Variants in SMTN observed in about 807,000 individuals in gnomAD.
SMTN encodes smoothelin.
In SMTN, 58 loss-of-function variants were observed where a neutral mutation model predicts 102.0. That is an observed-to-expected ratio of 0.57 (90% confidence interval 0.46 to 0.71). SMTN has a LOEUF of 0.71. Among genes scored for constraint, SMTN ranks in the 30% least tolerant of loss-of-function variants. SMTN has a pLI of 0.00. For synonymous variants in SMTN, 478 were observed against 497.9 expected (o/e 0.96, Z 0.53); for missense variants, 1,185 against 1,241.7 (o/e 0.95, Z 0.69).
intron 1 of SMTN, chr22:31,082,673 A>T (rs1602588160): frequency 1.6e-6 from 1 of 640,508 alleles, no homozygotes; most frequent in East Asian, 2.9e-5. Flanking sequence ...CGGAAGACAC[A>T]GTGTACCTTC....
intron 1 of SMTN, chr22:31,065,999 T>G (rs1268506176): frequency 6.6e-6 from 1 of 152,424 alleles, no homozygotes; most frequent in Non-Finnish European, 1.5e-5. Context: ...CCTTCCTGCC[T>G]GTGTTCAGGC....
In SMTN at chr22:31,085,318, C is replaced by A. The variant is rs947594187; in HGVS notation, c.51+2009C>A. The A allele has an allele frequency of 3.7e-5, 55 of 1,473,750 alleles. No individual in the cohort carries two copies. The African/African-American group carries it at 5.8e-4, about 16-fold the overall frequency. 91.3% of individuals were successfully genotyped at this position (1,473,750 alleles called of 1,614,324 possible). A position where few individuals can be genotyped will look rare whatever the true frequency, so the allele number is the denominator to read the frequency against. On this transcript the variant is annotated intron_variant, in intron 2 of 20. Coordinates refer to ENST00000333137, the MANE Select transcript of SMTN (RefSeq NM_134269.3). ...TGGGCGAGGCGAGGGCGGCGCCCTG[C>A]GAGGGAGGGCGGTCGCAGAACCTGC...
chr22:31,098,584 C>CA, intron 16 of SMTN, 83 bp from the exon 17 acceptor site: 4 of 1,408,366 alleles, frequency 2.8e-6, no homozygotes, highest in Non-Finnish European at 3.9e-6. Context: ...GCTACAAGAC[C>CA]CCCCCTCCTC....
intron 2 of SMTN, among the ~76,000 whole-genome samples, chr22:31,086,890 C>A (rs1311576304): frequency 6.6e-6 from 1 of 152,238 alleles, no homozygotes; most frequent in Non-Finnish European, 1.5e-5. Context: ...CATCCCCACC[C>A]TTGCCACCTG....
chr22:31,096,611 T>G, intron 13 of SMTN, 122 bp from the exon 14 acceptor site: 11 of 1,035,990 alleles, frequency 1.1e-5, no homozygotes, highest in Non-Finnish European at 1.5e-5. Context: ...TTGTTACCTG[T>G]GTCATTCATG....
intron 11 of SMTN, among the ~76,000 whole-genome samples, chr22:31,092,794 C>T (rs1016982817): frequency 3.9e-5 from 6 of 152,198 alleles, no homozygotes; most frequent in Admixed American, 6.5e-5. Context: ...CTCAGTTTAC[C>T]CATCTGGAAC....
intron 3 of SMTN, 31 bp from the exon 4 acceptor site, chr22:31,088,482 A>C (rs2042869425): frequency 6.3e-7 from 1 of 1,583,666 alleles, no homozygotes; most frequent in Admixed American, 1.7e-5. Context: ...TGGCCATGGC[A>C]GTGGTGGTTA....
chr22:31,099,826 G>A lies in SMTN; in HGVS notation c.2533G>A (p.Ala845Thr). Reference protein sequence around the residue: ...CALVHNFFPEAFDYGQLSPQN... With the variant: ...CALVHNFFPETFDYGQLSPQN... ...CCTGGTGCACAACTTCTTCCCTGAGGCCTTCGACTATGGGCAGCTTAGCCC... is the reference window on the plus strand; with the variant it reads ...CCTGGTGCACAACTTCTTCCCTGAGACCTTCGACTATGGGCAGCTTAGCCC... Residue 845 changes from alanine (A) to threonine (T), a missense_variant, in exon 19 of 21, where the codon GCC becomes ACC. By Grantham distance (58) the Ala-to-Thr change is moderately conservative. This residue lies in a region of SMTN where 89 missense variants were observed against 128.9 expected (regional missense o/e 0.69). Coordinates refer to ENST00000333137, the MANE Select transcript of SMTN (RefSeq NM_134269.3). 1 of 1,614,056 alleles carries A rather than the reference G, an allele frequency of 6.2e-7. No homozygotes were observed. The highest frequency in any genetic ancestry group is 8.5e-7 in the Non-Finnish European group (1 of 1,179,944).
intron 15 of SMTN, 97 bp from the exon 16 acceptor site, chr22:31,097,172 T>C: frequency 6.7e-7 from 1 of 1,491,082 alleles, no homozygotes; most frequent in Non-Finnish European, 9.4e-7. Flanking sequence ...TTCTCTTCTC[T>C]GCCTGCGGCT....
In SMTN at chr22:31,091,491, C is replaced by T. The variant is rs545184318; in HGVS notation, c.1459+9C>T. The T allele has an allele frequency of 1.3e-6, 2 of 1,518,010 alleles. No individual in the cohort carries two copies. Among genetic ancestry groups the T allele is most frequent in the Non-Finnish European group, 8.8e-7 (1 of 1,136,640 alleles). 94.0% of individuals were successfully genotyped at this position (1,518,010 alleles called of 1,614,324 possible). A position where few individuals can be genotyped will look rare whatever the true frequency, so the allele number is the denominator to read the frequency against. On this transcript the variant is annotated intron_variant, in intron 10 of 20. Transcript: ENST00000333137. Reference sequence around the variant, plus strand: ...AGGCAACCAGAGGGCAGGTAGGCGCCCCCCACTGCCTCCCCAATGGGGATG... The same window carrying T: ...AGGCAACCAGAGGGCAGGTAGGCGCTCCCCACTGCCTCCCCAATGGGGATG...
At chr22:31,086,870 A>C (rs962637758) in intron 2 of SMTN, among the ~76,000 whole-genome samples, 7 of 152,292 alleles carry the variant, frequency 4.6e-5, no homozygotes, top group South Asian at 2.1e-4. Context: ...GCTGAAAACT[A>C]TCTCCATCCC....
At chr22:31,104,288 C>T in intron 20 of SMTN, 28 bp from the exon 21 acceptor site, 1 of 1,610,884 alleles carries the variant, frequency 6.2e-7, no homozygotes, top group Non-Finnish European at 8.5e-7. Flanking sequence ...CTGGCGCTGA[C>T]ATCCAACCCC....
At chr22:31,078,098 G>A (rs1398144485), upstream of SMTN, among the ~76,000 whole-genome samples, 1 of 152,170 alleles carries the variant, frequency 6.6e-6, no homozygotes, top group Non-Finnish European at 1.5e-5. Flanking sequence ...GTGCTGTCCT[G>A]GGGAGAGAGG....
intron 2 of SMTN, chr22:31,085,279 A>G (rs2042606171): frequency 5.3e-6 from 8 of 1,504,656 alleles, no homozygotes; most frequent in Non-Finnish European, 7.1e-6. Flanking sequence ...TTCGGCGCCT[A>G]GCGCGAGGCA....
chr22:31,082,867 GC>G, intron 1 of SMTN: 1 of 1,536,978 alleles, frequency 6.5e-7, no homozygotes, highest in Non-Finnish European at 8.8e-7. Flanking sequence ...GTCTTGCCAG[GC>G]CCTGGCTTCT....
rs749281740 is a variant in SMTN, at chr22:31,096,883, G to T, written c.2012G>T (p.Arg671Leu). The T allele has an allele frequency of 1.3e-5, 21 of 1,588,772 alleles. No individual in the cohort carries two copies. The highest frequency in any genetic ancestry group is 2.7e-5 in the African/African-American group (2 of 74,528). ...GTCAGCACTGTTACCAAGACTGAGC[G>T]GCTCGTCCACTCCAGTAAGGGGCCA... ...SAVSTVTKTE[R>L]LVHSNDGTRT... Residue 671 changes from arginine to leucine, a missense_variant, in exon 14 of 21, where the codon CGG becomes CTG. Physicochemically the swap from Arg to Leu is moderately radical, Grantham distance 102. Around this residue, in one of 2 missense-constraint regions of SMTN, gnomAD observed 1,096 missense variants for 1,112.7 expected, o/e 0.98. Transcript: ENST00000333137.
intron 1 of SMTN, chr22:31,082,416 C>T (rs895071775): frequency 4.6e-6 from 2 of 432,932 alleles, no homozygotes; most frequent in South Asian, 1.7e-5. Flanking sequence ...CTTCGGAAGC[C>T]GGAGATGACG....
chr22:31,097,377 A>G, intron 16 of SMTN, 39 bp downstream of exon 16: 1 of 1,582,564 alleles, frequency 6.3e-7, no homozygotes, highest in Non-Finnish European at 8.7e-7. Flanking sequence ...TAGAGGAGTC[A>G]GTGCCACAGG....
chr22:31,095,827 A>T lies in SMTN; in HGVS notation c.1861+218A>T. On this transcript the variant is annotated intron_variant, in intron 13 of 20. Coordinates refer to ENST00000333137, the MANE Select transcript of SMTN (RefSeq NM_134269.3). This position sits in a 1 kb window ranked among gnomAD's most constrained non-coding sequence, Gnocchi z 4.1. ...GCTGGTGACCCCAGTTATTCTCCCC[A>T]ACCAGCTTCTCTTCTCCTTCCTAGA... 1.7e-6 allele frequency: 1 copy of T among 586,074 alleles called. No individual in the cohort carries two copies. The highest frequency in any genetic ancestry group is 3.0e-6 in the Non-Finnish European group (1 of 330,432). The allele number at this position is 586,074 out of a possible 1,614,324, so 36.3% of individuals were successfully genotyped here. A position where few individuals can be genotyped will look rare whatever the true frequency, so the allele number is the denominator to read the frequency against.
Sources: allele counts gnomAD v4.1 joint callset (sites outside exome capture counted in the v4.1 genomes callset), GRCh38; gene constraint gnomAD v4.1.1; regional missense constraint gnomAD v4.1.1; non-coding constraint Gnocchi (gnomAD v3.1); transcripts MANE v1.5; gene names NCBI Gene and HGNC (gene_info 2026-07-23, HGNC 2026-07-21).